ABLIM2: variants seen among roughly 807,000 people sequenced by gnomAD.
ABLIM2 encodes actin-binding LIM protein 2.
In ABLIM2, 53 loss-of-function variants were observed where a neutral mutation model predicts 97.7. The ratio of observed to expected loss-of-function variants is 0.54; its 90% CI spans 0.44 to 0.68. ABLIM2 has a LOEUF of 0.68. Among genes scored for constraint, ABLIM2 ranks in the 30% least tolerant of loss-of-function variants. ABLIM2 has a pLI of 0.00. For missense variants in ABLIM2, 835 were observed against 867.2 expected, an observed-to-expected ratio of 0.96 and a Z score of 0.47; for synonymous variants, 361 against 345.8, an observed-to-expected ratio of 1.04 and a Z score of -0.49.
intron 1 of ABLIM2, among the ~76,000 whole-genome samples, chr4:8,154,341 G>A (rs1714490649): frequency 6.8e-6 from 1 of 146,574 alleles, no homozygotes; most frequent in Admixed American, 6.9e-5. Flanking sequence ...GAGTATAGTG[G>A]CACGATCTCA....
chr4:7,982,085 C>T (rs1430743526), intron 20 of ABLIM2, among the ~76,000 whole-genome samples: 1 of 151,956 alleles, frequency 6.6e-6, no homozygotes, highest in Non-Finnish European at 1.5e-5. Flanking sequence ...CCTCCAACTC[C>T]CTCCCCAGCA....
At chr4:8,107,295 G>A (rs1362961053) in intron 1 of ABLIM2, among the ~76,000 whole-genome samples, 1 of 152,232 alleles carries the variant, frequency 6.6e-6, no homozygotes, top group African/African-American at 2.4e-5. Flanking sequence ...ACCGGGCAGG[G>A]GGACACACTC....
intron 3 of ABLIM2, among the ~76,000 whole-genome samples, chr4:8,089,474 C>T (rs768093305): frequency 6.6e-6 from 1 of 152,162 alleles, no homozygotes; most frequent in Non-Finnish European, 1.5e-5. Context: ...GTGGCTCACA[C>T]TTGTAATCCC....
intron 8 of ABLIM2, among the ~76,000 whole-genome samples, chr4:8,053,250 G>A (rs758044972): frequency 3.9e-5 from 6 of 152,160 alleles, no homozygotes; most frequent in Non-Finnish European, 5.9e-5. Flanking sequence ...CCCATGACCT[G>A]GAAGCCCCCT....
intron 1 of ABLIM2, among the ~76,000 whole-genome samples, chr4:8,144,883 G>A (rs1031382696): frequency 6.6e-5 from 10 of 152,234 alleles, no homozygotes; most frequent in African/African-American, 1.9e-4. Flanking sequence ...TTTATCAGGC[G>A]CAGAACTCTT....
Position 8,127,622 on chromosome 4 carries a change from G to A in ABLIM2, c.11-20985C>T, listed in dbSNP as rs1241231965. ...AGCGGGTCGGCGGCTCTCCCTCTGC[G>A]TGGCTGGGCCTGGCACCCACGGAGG... On this transcript the variant is annotated intron_variant, in intron 1 of 20. Transcript: ENST00000447017. The surrounding 1 kb of genome is among the most constrained non-coding windows in gnomAD (Gnocchi z 7.3). The A allele has an allele frequency of 2.8e-5, 36 of 1,289,032 alleles. No homozygotes were observed. The highest frequency in any genetic ancestry group is 3.2e-5 in the Non-Finnish European group (32 of 988,430). 79.8% of individuals were successfully genotyped at this position (1,289,032 alleles called of 1,614,324 possible).
intron 9 of ABLIM2, among the ~76,000 whole-genome samples, chr4:8,036,984 T>C (rs983284130): frequency 1.3e-5 from 2 of 152,170 alleles, no homozygotes; most frequent in East Asian, 1.9e-4. Context: ...AATTATGTGG[T>C]TCTTGCCTGT....
rs1722954121 is a variant in ABLIM2 at position 7,966,325 on chromosome 4, G to A, written c.*665C>T. 6.6e-6 allele frequency: 1 copy of A among 152,662 alleles called. No individual in the cohort carries two copies. The highest frequency in any genetic ancestry group is 2.4e-5 in the African/African-American group (1 of 41,456). The allele number at this position is 152,662 out of a possible 1,614,324, so 9.5% of individuals were successfully genotyped here. A position where few individuals can be genotyped will look rare whatever the true frequency, so the allele number is the denominator to read the frequency against. ...TTTTTAATAAAATAAAAACTTCTGT[G>A]TTACTTTAAAGATATTGTGTAGGCA... On this transcript the variant is annotated 3_prime_UTR_variant, in exon 21 of 21. Coordinates refer to ENST00000447017, the MANE Select transcript of ABLIM2 (RefSeq NM_001130083.2).
chr4:8,118,789 T>G (rs1554104473), intron 1 of ABLIM2, among the ~76,000 whole-genome samples: 1 of 152,204 alleles, frequency 6.6e-6, no homozygotes, highest in Non-Finnish European at 1.5e-5. Flanking sequence ...TACTTGTCCT[T>G]CCAGGCCCAC....
rs920479144 is a variant in ABLIM2 at position 8,125,883 on chromosome 4, G to A, written c.11-19246C>T. Among the ~76,000 whole-genome samples the A allele has an allele frequency of 4.6e-5, 7 of 152,314 alleles. No homozygotes were observed. Among genetic ancestry groups the A allele is most frequent in the African/African-American group, 1.7e-4 (7 of 41,580 alleles). On this transcript the variant is annotated intron_variant, in intron 1 of 20. Coordinates refer to ENST00000447017, the MANE Select transcript of ABLIM2 (RefSeq NM_001130083.2). This position sits in a 1 kb window ranked among gnomAD's most constrained non-coding sequence, Gnocchi z 6.2. Reference sequence around the variant, plus strand: ...CAGGAGGGCGAACTCACACTCGGCTGTGCGTGGGCAGCCTTGGGGGACCCG... The same window carrying A: ...CAGGAGGGCGAACTCACACTCGGCTATGCGTGGGCAGCCTTGGGGGACCCG...
chr4:7,981,760 G>A (rs1220237224), intron 20 of ABLIM2, among the ~76,000 whole-genome samples: 1 of 152,182 alleles, frequency 6.6e-6, no homozygotes, highest in Non-Finnish European at 1.5e-5. Context: ...GCTTTATGCA[G>A]CCTCTCGTCT....
chr4:8,014,890 T>A (rs1578684599), intron 14 of ABLIM2, among the ~76,000 whole-genome samples: 1 of 150,856 alleles, frequency 6.6e-6, no homozygotes, highest in African/African-American at 2.4e-5. Flanking sequence ...CCGGCCTCCC[T>A]CTCTTCCACT....
intron 14 of ABLIM2, among the ~76,000 whole-genome samples, chr4:8,018,249 G>A (rs1770942376): frequency 6.6e-6 from 1 of 152,216 alleles, no homozygotes; most frequent in Non-Finnish European, 1.5e-5. Context: ...AAAAGGCCAA[G>A]GTAGTCAATC....
chr4:8,077,488 G>T, intron 6 of ABLIM2, 140 bp downstream of exon 6: 1 of 831,150 alleles, frequency 1.2e-6, no homozygotes. Flanking sequence ...GTGTCCATTG[G>T]CTGAGCTGGC....
chr4:7,981,796 C>T (rs1480120903), intron 20 of ABLIM2, among the ~76,000 whole-genome samples: 1 of 152,184 alleles, frequency 6.6e-6, no homozygotes, highest in Non-Finnish European at 1.5e-5. Flanking sequence ...CAAATGGAAT[C>T]AATATCCTCA....
At position 8,044,499 on chromosome 4, in the gene ABLIM2, T is replaced by A. The variant is rs1790870791; in HGVS notation, c.900+665A>T. Reference sequence around the variant, plus strand: ...TACATATATAAATTTAAATATACAATATTAAATGTATTAAATATTAAATAG... The same window carrying A: ...TACATATATAAATTTAAATATACAAAATTAAATGTATTAAATATTAAATAG... On this transcript the variant is annotated intron_variant, in intron 9 of 20. Transcript: ENST00000447017. This position sits in a 1 kb window ranked among gnomAD's most constrained non-coding sequence, Gnocchi z 4.4. Among the ~76,000 whole-genome samples, 1 of 151,828 alleles carries A rather than the reference T, an allele frequency of 6.6e-6. No homozygotes were observed. Among genetic ancestry groups the A allele is most frequent in the Non-Finnish European group, 1.5e-5 (1 of 67,996 alleles).
Position 7,992,778 on chromosome 4 carries a change from C to T in ABLIM2, c.1680+88G>A, listed in dbSNP as rs997483036. 152 of 1,468,610 alleles carry T rather than the reference C, an allele frequency of 1.0e-4. No homozygotes were observed. Among genetic ancestry groups the T allele is most frequent in the Non-Finnish European group, 1.4e-4 (148 of 1,068,744 alleles). 91.0% of individuals were successfully genotyped at this position (1,468,610 alleles called of 1,614,324 possible). On this transcript the variant is annotated intron_variant, in intron 17 of 20. Coordinates refer to ENST00000447017, the MANE Select transcript of ABLIM2 (RefSeq NM_001130083.2). The surrounding 1 kb of genome is among the most constrained non-coding windows in gnomAD (Gnocchi z 5.7). ...CGCGGGGTCCCCGGGGCCTCTCCTC[C>T]TGCTGTGTGGTCAAGAAGCTGTGGG... is the stretch of plus-strand genomic sequence containing the variant.
At position 7,999,944 on chromosome 4, in the gene ABLIM2, C is replaced by T. The variant is rs1181587153; in HGVS notation, c.1619-7017G>A. On this transcript the variant is annotated intron_variant, in intron 16 of 20. Transcript: ENST00000447017. This position sits in a 1 kb window ranked among gnomAD's most constrained non-coding sequence, Gnocchi z 4.4. ...CTGGCTCATCAGAGGTCAAAGTCAC[C>T]GCTGGACATTCAAGGCCGGGCACCT... is the stretch of plus-strand genomic sequence containing the variant. Among the ~76,000 whole-genome samples the T allele has an allele frequency of 2.6e-5, 4 of 152,176 alleles. No individual in the cohort carries two copies. The highest frequency in any genetic ancestry group is 4.4e-5 in the Non-Finnish European group (3 of 68,030).
In ABLIM2 at chr4:8,132,349, G is replaced by T. The variant is rs1205993711; in HGVS notation, c.11-25712C>A. On this transcript the variant is annotated intron_variant, in intron 1 of 20. Coordinates refer to ENST00000447017, the MANE Select transcript of ABLIM2 (RefSeq NM_001130083.2). This position sits in a 1 kb window ranked among gnomAD's most constrained non-coding sequence, Gnocchi z 8.0. ...AAAAGCTGAGAAGTAATGAGATCAG[G>T]CCCTGACACATGGGACAGGTGAGAG... 6.6e-6 allele frequency among the ~76,000 whole-genome samples: 1 copy of T among 152,206 alleles called. No individual in the cohort carries two copies.
Sources: allele counts gnomAD v4.1 joint callset (sites outside exome capture counted in the v4.1 genomes callset), GRCh38; gene constraint gnomAD v4.1.1; non-coding constraint Gnocchi (gnomAD v3.1); transcripts MANE v1.5; gene names NCBI Gene and HGNC (gene_info 2026-07-23, HGNC 2026-07-21).